Variants in DNTTIP1 observed in about 807,000 individuals in gnomAD.
DNTTIP1 encodes deoxynucleotidyltransferase terminal interacting protein 1.
DNTTIP1 carries 22 observed loss-of-function variants against 52.9 expected under a neutral mutation model. That is an observed-to-expected ratio of 0.42 (90% CI 0.30 to 0.59). The LOEUF (loss-of-function observed/expected upper bound fraction) is 0.59, where lower values mean the gene tolerates loss of function less well. Ranked by LOEUF, DNTTIP1 falls within the 20% of genes least tolerant of loss-of-function variation. The pLI is 0.22. For missense variants in DNTTIP1, 286 were observed against 435.5 expected, an observed-to-expected ratio of 0.66 and a Z score of 3.06; for synonymous variants, 136 against 155.1, an observed-to-expected ratio of 0.88 and a Z score of 0.92.
At chr20:45,792,216 G>T (rs1981043588) in intron 1 of DNTTIP1, 107 bp downstream of exon 1, 1 of 684,700 alleles carries the variant, frequency 1.5e-6, no homozygotes, top group Non-Finnish European at 2.1e-6. Context: ...CTGCAGAGGG[G>T]GTTGGCGTTT....
chr20:45,795,754 G>A (rs41282764), intron 4 of DNTTIP1, among the ~76,000 whole-genome samples: 6,289 of 152,154 alleles, frequency 0.041, 192 homozygotes, highest in African/African-American at 0.079. Flanking sequence ...AGCCGAGATG[G>A]CACCACTACA....
intron 11 of DNTTIP1, among the ~76,000 whole-genome samples, chr20:45,810,567 CTTTTTTTCT>C (rs200753091): frequency 0.077 from 7,687 of 100,344 alleles, 343 homozygotes; most frequent in African/African-American, 0.2. Flanking sequence ...CTTTTTTTTT[CTTTTTTTCT>C]TTTTTTTTTT....
At chr20:45,808,645 G>GATCA (rs140258090) in intron 10 of DNTTIP1, among the ~76,000 whole-genome samples, 73 of 151,960 alleles carry the variant, frequency 4.8e-4, no homozygotes, top group Non-Finnish European at 9.1e-4. Flanking sequence ...CGTCTCAATC[G>GATCA]ATCAATCAAT....
At chr20:45,800,855 A>G (rs1483473778) in intron 4 of DNTTIP1, among the ~76,000 whole-genome samples, 1 of 149,448 alleles carries the variant, frequency 6.7e-6, no homozygotes. Flanking sequence ...TTAGCTGGGT[A>G]TGGTGGCGCA....
intron 4 of DNTTIP1, among the ~76,000 whole-genome samples, chr20:45,796,205 C>T (rs1981231587): frequency 6.6e-6 from 1 of 152,012 alleles, no homozygotes; most frequent in Non-Finnish European, 1.5e-5. Flanking sequence ...TTGCTAAGAC[C>T]ATAGATCTTA....
At chr20:45,801,805 C>A (rs1316435079) in intron 6 of DNTTIP1, among the ~76,000 whole-genome samples, 194 bp from the exon 7 acceptor site, 5 of 152,218 alleles carry the variant, frequency 3.3e-5, no homozygotes, top group African/African-American at 1.2e-4. Context: ...AGGCTCTTCA[C>A]TCCGCAAGGT....
At chr20:45,798,481 A>AT (rs979956694) in intron 4 of DNTTIP1, among the ~76,000 whole-genome samples, 1 of 151,768 alleles carries the variant, frequency 6.6e-6, no homozygotes, top group African/African-American at 2.4e-5. Context: ...TTAAAGTATA[A>AT]TTTAAAAAAA....
intron 7 of DNTTIP1, chr20:45,803,112 G>A: frequency 9.7e-6 from 5 of 515,372 alleles, no homozygotes; most frequent in Non-Finnish European, 1.7e-5. Context: ...AGAGGTTCTT[G>A]GAGTTGCTCA....
Position 45,811,199 on chromosome 20 carries a change from C to CG in DNTTIP1, c.*7dup, listed in dbSNP as rs765311097. The CG allele has an allele frequency of 3.1e-6, 5 of 1,600,362 alleles. No individual in the cohort carries two copies. The African/African-American group carries it at 4.0e-5, about 13-fold the overall frequency. On this transcript the variant is annotated 3_prime_UTR_variant, in exon 13 of 13. Transcript: ENST00000372622. The stretch of plus-strand genomic sequence containing the variant: ...TGAAGCACCTCCACAGACCTGAGGC[C>CG]GGGTCCCCTGGCCACACTTGGCAGC...
At chr20:45,801,487 G>A (rs766769160) in intron 6 of DNTTIP1, 29 bp downstream of exon 6, 58 of 1,613,068 alleles carry the variant, frequency 3.6e-5, no homozygotes, top group Non-Finnish European at 4.2e-5. Context: ...TTGTTTTCTG[G>A]CTGAAAAAAG....
chr20:45,796,826 A>C (rs1213267973), intron 4 of DNTTIP1, among the ~76,000 whole-genome samples: 1 of 151,820 alleles, frequency 6.6e-6, no homozygotes, highest in Non-Finnish European at 1.5e-5. Context: ...TCCTCAACTT[A>C]CTCAGCTTCT....
intron 8 of DNTTIP1, among the ~76,000 whole-genome samples, chr20:45,804,160 C>T (rs904293279): frequency 2.0e-5 from 3 of 152,202 alleles, no homozygotes; most frequent in Non-Finnish European, 4.4e-5. Context: ...GACCACTCTG[C>T]TGGAAGTTTC....
chr20:45,792,965 T>A (rs1184577191), intron 2 of DNTTIP1, among the ~76,000 whole-genome samples: 2 of 152,142 alleles, frequency 1.3e-5, no homozygotes, highest in African/African-American at 4.8e-5. Context: ...GCACAGGAGA[T>A]GGGTTGTGGA....
rs201888261 is a variant in DNTTIP1 at position 45,801,985 on chromosome 20, G to A, written c.499-14G>A. ...CCACAGGGTCAGACCTCTGACAGCT[G>A]TTTTTTGTGGCAGAGGAAAGGACGG... is the stretch of plus-strand genomic sequence containing the variant. On this transcript the variant is annotated splice_polypyrimidine_tract_variant and intron_variant, in intron 6 of 12. Coordinates refer to ENST00000372622, the MANE Select transcript of DNTTIP1 (RefSeq NM_052951.3). 1.5e-4 allele frequency: 241 copies of A among 1,614,150 alleles called. 3 individuals are homozygous for A. The highest frequency in any genetic ancestry group is 8.2e-4 in the Middle Eastern group (5 of 6,062).
chr20:45,795,293 G>C, intron 3 of DNTTIP1, 52 bp from the exon 4 acceptor site: 2 of 1,065,460 alleles, frequency 1.9e-6, no homozygotes, highest in Non-Finnish European at 2.8e-6. Context: ...TTTCCTTCAG[G>C]TTGATGCACA....
intron 4 of DNTTIP1, 118 bp downstream of exon 4, chr20:45,795,561 G>A (rs757758713): frequency 1.7e-5 from 10 of 586,714 alleles, no homozygotes; most frequent in Non-Finnish European, 2.1e-5. Flanking sequence ...CACTGTGGGA[G>A]GCCAAGGTGG....
At chr20:45,800,398 G>T (rs1032316128) in intron 4 of DNTTIP1, among the ~76,000 whole-genome samples, 2 of 151,740 alleles carry the variant, frequency 1.3e-5, no homozygotes, top group African/African-American at 2.4e-5. Context: ...GTGTGGCTGG[G>T]CGTGGTGGCT....
intron 8 of DNTTIP1, among the ~76,000 whole-genome samples, chr20:45,804,651 ACTCT>A (rs985666962): frequency 6.6e-6 from 1 of 151,614 alleles, no homozygotes; most frequent in African/African-American, 2.4e-5. Context: ...CCTAATTTGT[ACTCT>A]CTCTGTTAGC....
chr20:45,794,002 C>A lies in DNTTIP1; in HGVS notation c.258C>A (p.Phe86Leu). The A allele has an allele frequency of 6.3e-7, 1 of 1,593,644 alleles. No homozygotes were observed. Residue 86 changes from phenylalanine to leucine, a missense_variant, in exon 3 of 13, where the codon TTC becomes TTA. Physicochemically the swap from Phe to Leu is conservative, Grantham distance 22. Transcript: ENST00000372622. The stretch of plus-strand genomic sequence containing the variant: ...TCAACGAGGAGATCCAGACTGTCTT[C>A]AACAAGTACATGAAGGTGAGAGGGA... ...PSINEEIQTVFNKYMKFFQKA... is the reference protein window; with the variant it reads ...PSINEEIQTVLNKYMKFFQKA...
Sources: gnomAD v4.1 joint callset for allele counts (sites outside exome capture counted in the v4.1 genomes callset) on GRCh38, gnomAD v4.1.1 for gene constraint, MANE v1.5 for transcripts, NCBI Gene and HGNC (gene_info 2026-07-23, HGNC 2026-07-21) for gene names.